Variants in UBE3D observed in about 807,000 individuals in gnomAD.
UBE3D encodes ubiquitin protein ligase E3D.
UBE3D carries 48 observed loss-of-function variants against 49.6 expected under a neutral mutation model. That is an observed-to-expected ratio of 0.97 (90% confidence interval 0.77 to 1.23). The LOEUF (loss-of-function observed/expected upper bound fraction) is 1.23. UBE3D is among the 50% of genes most tolerant of loss of function. The pLI is 0.00. For synonymous variants in UBE3D, 189 were observed against 174.2 expected (o/e 1.08, Z -0.67); for missense variants, 452 against 468.4 (o/e 0.96, Z 0.32).
At chr6:82,954,953 T>C (rs925921169) in intron 9 of UBE3D, among the ~76,000 whole-genome samples, 1 of 152,156 alleles carries the variant, frequency 6.6e-6, no homozygotes, top group Non-Finnish European at 1.5e-5. Context: ...TCTGTATCTG[T>C]GAAACTGGAA....
intron 8 of UBE3D, among the ~76,000 whole-genome samples, chr6:83,004,060 G>A (rs1424550004): frequency 1.3e-5 from 2 of 152,088 alleles, no homozygotes; most frequent in East Asian, 3.9e-4. Flanking sequence ...AGGAGCTAAG[G>A]CATTGGACTT....
chr6:82,947,924 T>C (rs1045007528), intron 9 of UBE3D, among the ~76,000 whole-genome samples: 20 of 151,882 alleles, frequency 1.3e-4, no homozygotes, highest in Middle Eastern at 3.4e-3. Flanking sequence ...AAGAAAAACC[T>C]TCAATAAACA....
intron 6 of UBE3D, 28 bp from the exon 7 acceptor site, chr6:83,022,589 A>G (rs1443157457): frequency 6.6e-7 from 1 of 1,519,206 alleles, no homozygotes. Flanking sequence ...AATTTTTACA[A>G]TGTGTATCTC....
At chr6:82,996,917 G>A (rs1779280975) in intron 8 of UBE3D, among the ~76,000 whole-genome samples, 1 of 152,162 alleles carries the variant, frequency 6.6e-6, no homozygotes, top group African/African-American at 2.4e-5. Flanking sequence ...GGAAGACCTG[G>A]TGAAATGTGA....
At chr6:82,936,879 A>G (rs1352781951) in intron 9 of UBE3D, among the ~76,000 whole-genome samples, 1 of 152,202 alleles carries the variant, frequency 6.6e-6, no homozygotes. Context: ...GAAACTTTCA[A>G]CTACTAGAAG....
At chr6:83,039,809 A>G (rs980338144) in intron 4 of UBE3D, among the ~76,000 whole-genome samples, 2 of 151,948 alleles carry the variant, frequency 1.3e-5, no homozygotes, top group Non-Finnish European at 2.9e-5. Flanking sequence ...ATGCCCGGCT[A>G]ATTTTTGTAG....
intron 9 of UBE3D, among the ~76,000 whole-genome samples, chr6:82,911,075 C>A (rs936382564): frequency 1.3e-5 from 2 of 151,838 alleles, no homozygotes; most frequent in African/African-American, 4.8e-5. Context: ...TAATTCTTAT[C>A]CTCACAAGGC....
chr6:82,984,728 G>T (rs541821369), intron 8 of UBE3D, among the ~76,000 whole-genome samples: 3 of 152,198 alleles, frequency 2.0e-5, no homozygotes, highest in Non-Finnish European at 2.9e-5. Flanking sequence ...CTATGGGGTT[G>T]TTAGCCTTTT....
intron 5 of UBE3D, among the ~76,000 whole-genome samples, chr6:83,029,838 G>T (rs1334173701): frequency 6.6e-6 from 1 of 151,888 alleles, no homozygotes; most frequent in Non-Finnish European, 1.5e-5. Flanking sequence ...TTTTTTTTTA[G>T]TCTGGCTCCC....
At chr6:82,945,105 C>T (rs1373388394) in intron 9 of UBE3D, among the ~76,000 whole-genome samples, 1 of 152,214 alleles carries the variant, frequency 6.6e-6, no homozygotes, top group Non-Finnish European at 1.5e-5. Flanking sequence ...AGCCCTAGGG[C>T]CTTGAGCAAA....
At chr6:83,063,144 G>C (rs1784274210) in intron 1 of UBE3D, 5 of 276,444 alleles carry the variant, frequency 1.8e-5, no homozygotes, top group South Asian at 1.5e-4. Flanking sequence ...AGGGCATGGT[G>C]GCTCATACCT....
rs563137876 is a variant in UBE3D, at chr6:82,896,335, T to C, written c.1150-3293A>G. Among the ~76,000 whole-genome samples, 7 of 152,360 alleles carry C rather than the reference T, an allele frequency of 4.6e-5. No individual in the cohort carries two copies. The South Asian group carries it at 1.2e-3, about 27-fold the overall frequency. On this transcript the variant is annotated intron_variant, in intron 9 of 9. Coordinates refer to ENST00000369747, the MANE Select transcript of UBE3D (RefSeq NM_198920.3). ...AAAAGTTTTAAAGCTTCTCAGAGCA[T>C]ATGACTATAGCTGCAGCTTAAGGTT... is the stretch of plus-strand genomic sequence containing the variant.
At chr6:82,951,170 T>C (rs1255794474) in intron 9 of UBE3D, among the ~76,000 whole-genome samples, 3 of 152,326 alleles carry the variant, frequency 2.0e-5, no homozygotes, top group Admixed American at 6.5e-5. Context: ...TACCCTTATG[T>C]GCTTGTTATG....
At chr6:83,045,365 C>T (rs1000807940) in intron 3 of UBE3D, among the ~76,000 whole-genome samples, 1 of 152,148 alleles carries the variant, frequency 6.6e-6, no homozygotes, top group Non-Finnish European at 1.5e-5. Context: ...GCTGCTTTAA[C>T]TGGCAACTCT....
intron 3 of UBE3D, among the ~76,000 whole-genome samples, chr6:83,048,170 C>A (rs1290901957): frequency 6.6e-6 from 1 of 151,624 alleles, no homozygotes; most frequent in East Asian, 1.9e-4. Flanking sequence ...ATATTCCTTC[C>A]CTGGCAATGC....
At chr6:82,908,389 GCT>G (rs1446742201) in intron 9 of UBE3D, among the ~76,000 whole-genome samples, 1 of 152,170 alleles carries the variant, frequency 6.6e-6, no homozygotes, top group East Asian at 1.9e-4. Context: ...GAACAGGACA[GCT>G]CTCTACAATA....
chr6:83,046,669 T>TGGC (rs1201488546), intron 3 of UBE3D, among the ~76,000 whole-genome samples: 4 of 9,376 alleles, frequency 4.3e-4, no homozygotes, highest in African/African-American at 6.7e-4. Flanking sequence ...TTCTTGCAGT[T>TGGC]GGCGGGGGGG....
chr6:83,053,541 C>G (rs1783608890), intron 3 of UBE3D, among the ~76,000 whole-genome samples: 1 of 152,070 alleles, frequency 6.6e-6, no homozygotes, highest in African/African-American at 2.4e-5. Flanking sequence ...ATTAAAAAGC[C>G]TTAGGGACTG....
chr6:82,953,035 T>C (rs1775912878), intron 9 of UBE3D, among the ~76,000 whole-genome samples: 1 of 152,222 alleles, frequency 6.6e-6, no homozygotes, highest in Non-Finnish European at 1.5e-5. Flanking sequence ...AAAGCTGCCA[T>C]TGCAGGACTT....
Sources: allele counts gnomAD v4.1 joint callset (sites outside exome capture counted in the v4.1 genomes callset), GRCh38; gene constraint gnomAD v4.1.1; transcripts MANE v1.5; gene names NCBI Gene and HGNC (gene_info 2026-07-23, HGNC 2026-07-21).